The following STON1 variants were observed in gnomAD, a reference collection of about 807,000 sequenced individuals.
STON1 encodes the protein stonin 1, also known as stonin-1.
A neutral mutation model predicts 60.9 loss-of-function variants in STON1; 79 were observed. The ratio of observed to expected loss-of-function variants is 1.30; its 90% CI spans 1.08 to 1.56. The LOEUF (loss-of-function observed/expected upper bound fraction) is 1.56, where lower values mean the gene tolerates loss of function less well. Among genes scored for constraint, STON1 ranks in the 40% most tolerant of loss-of-function variants. STON1 has a pLI of 0.00. For synonymous variants in STON1, 363 were observed against 306.9 expected (o/e 1.18, Z -1.91); for missense variants, 1,166 against 858.9 (o/e 1.36, Z -4.47).
At chr2:48,594,186 G>C (rs978318679) in intron 3 of STON1, among the ~76,000 whole-genome samples, 1 of 152,142 alleles carries the variant, frequency 6.6e-6, no homozygotes, top group African/African-American at 2.4e-5. Context: ...TCTGCACACA[G>C]ATCTCCATCT....
chr2:48,567,914 C>T (rs993288095), intron 1 of STON1, among the ~76,000 whole-genome samples: 1 of 143,474 alleles, frequency 7.0e-6, no homozygotes, highest in African/African-American at 2.5e-5. Flanking sequence ...CAGTGTTGCT[C>T]TTGAGGAGTC....
At chr2:48,584,807 G>T (rs1439300702) in intron 2 of STON1, among the ~76,000 whole-genome samples, 2 of 152,058 alleles carry the variant, frequency 1.3e-5, no homozygotes, top group Non-Finnish European at 2.9e-5. Flanking sequence ...TGACTTGAGG[G>T]GCAGCACTGC....
rs959830973 is a variant in STON1 at position 48,596,627 on chromosome 2, T to G, written c.*1325T>G. On this transcript the variant is annotated 3_prime_UTR_variant, in exon 4 of 4. Coordinates refer to ENST00000404752, the MANE Select transcript of STON1 (RefSeq NM_006873.4). ...TTGAGTCAAAACTGATTTAGTGTTC[T>G]TCCAAACAACATTTATGTGTTGGCC... The G allele has an allele frequency of 7.9e-5, 12 of 152,350 alleles. No homozygotes were observed. In the East Asian group the frequency reaches 1.7e-3, roughly 22 times the overall value. 9.4% of individuals were successfully genotyped at this position (152,350 alleles called of 1,614,324 possible).
At chr2:48,555,221 C>T (rs1480905012) in intron 1 of STON1, among the ~76,000 whole-genome samples, 1 of 109,314 alleles carries the variant, frequency 9.1e-6, no homozygotes, top group Non-Finnish European at 1.9e-5. Context: ...CATCCTGGCC[C>T]GTTCTCAATG....
intron 1 of STON1, among the ~76,000 whole-genome samples, chr2:48,533,657 C>A (rs1202670561): frequency 2.6e-5 from 3 of 114,506 alleles, no homozygotes; most frequent in African/African-American, 9.7e-5. Flanking sequence ...AGCAAAACTC[C>A]GTCTCAAAAA....
rs1319045352 is a variant in STON1 at position 48,582,462 on chromosome 2, A to C, written c.1829A>C (p.Glu610Ala). Residue 610 changes from glutamate (E) to alanine (A), a missense_variant, in exon 2 of 4, where the codon GAA becomes GCA. Coordinates refer to ENST00000404752, the MANE Select transcript of STON1 (RefSeq NM_006873.4). ...RACLGSLQEL[E>A]SEPVIQVTVG... ...TGTCTGGGGAGTTTACAGGAACTTG[A>C]ATCTGAACCTGTCATTCAAGTCACT... 4 of 1,614,236 alleles carry C rather than the reference A, an allele frequency of 2.5e-6. No individual in the cohort carries two copies. Among genetic ancestry groups the C allele is most frequent in the African/African-American group, 1.3e-5 (1 of 75,054 alleles).
At chr2:48,530,316 G>T in intron 1 of STON1, 100 bp downstream of exon 1, 1 of 326,408 alleles carries the variant, frequency 3.1e-6, no homozygotes, top group Non-Finnish European at 5.9e-6. Context: ...CGGGCGCCCC[G>T]GGACGCGGGC....
intron 1 of STON1, among the ~76,000 whole-genome samples, chr2:48,549,371 G>T (rs534653576): frequency 6.6e-5 from 10 of 152,260 alleles, no homozygotes; most frequent in Admixed American, 4.6e-4. Flanking sequence ...GCCTGGGGTG[G>T]GTAGAGGAGG....
At chr2:48,558,430 A>C (rs1672473584) in intron 1 of STON1, among the ~76,000 whole-genome samples, 1 of 152,214 alleles carries the variant, frequency 6.6e-6, no homozygotes. Flanking sequence ...ATGGTCAGCA[A>C]CAGCCTAGGA....
rs1672426909 is a variant in STON1, at chr2:48,557,454, G to C, written c.-47-23133G>C. Among the ~76,000 whole-genome samples, 2 of 106,618 alleles carry C rather than the reference G, an allele frequency of 1.9e-5. 1 individual carries two copies. Among genetic ancestry groups the C allele is most frequent in the African/African-American group, 6.6e-5 (2 of 30,202 alleles). 69.9% of individuals were successfully genotyped at this position (106,618 alleles called of 152,430 possible). Reference sequence around the variant, plus strand: ...GAGACGCTCCTCACTTTCCAGACTGGGCAGCCAGGCAGAGGGGCTCCTCAC... The same window carrying C: ...GAGACGCTCCTCACTTTCCAGACTGCGCAGCCAGGCAGAGGGGCTCCTCAC... On this transcript the variant is annotated intron_variant, in intron 1 of 3. Coordinates refer to ENST00000404752, the MANE Select transcript of STON1 (RefSeq NM_006873.4).
In STON1 at chr2:48,564,599, C is replaced by CCTCCTCCTCCTCCTT. The variant is rs1558606099; in HGVS notation, c.-47-15983_-47-15982insCCTCCTCCTTCTCCT. On this transcript the variant is annotated intron_variant, in intron 1 of 3. Transcript: ENST00000404752. ...TCCTTCTCCTCCTCCTCCTCCTCCT[C>CCTCCTCCTCCTCCTT]CTCCTTCTCCTTCTCCTTCTCCTTC... Among the ~76,000 whole-genome samples, 23 of 43,880 alleles carry CCTCCTCCTCCTCCTT rather than the reference C, an allele frequency of 5.2e-4. 4 individuals are homozygous for CCTCCTCCTCCTCCTT. The highest frequency in any genetic ancestry group is 1.7e-3 in the African/African-American group (22 of 12,736). 28.8% of individuals were successfully genotyped at this position (43,880 alleles called of 152,430 possible).
Position 48,581,740 on chromosome 2 carries a change from A to G in STON1, c.1107A>G (p.Glu369=). 5 of 1,612,216 alleles carry G rather than the reference A, an allele frequency of 3.1e-6. No individual in the cohort carries two copies. The highest frequency in any genetic ancestry group is 4.2e-6 in the Non-Finnish European group (5 of 1,179,614). ...ATTCTAAGACAGAAGTAGTTCATGA[A>G]CCTGACATAGAGCAGATGCTGAAGT... ...KYHSKTEVVH[E]PDIEQMLKLG... The change falls in exon 2 of 4, where the codon GAA becomes GAG. Residue 369 remains glutamate, a synonymous_variant. Transcript: ENST00000404752.
chr2:48,544,523 T>C (rs1245221185), intron 1 of STON1, among the ~76,000 whole-genome samples: 1 of 152,090 alleles, frequency 6.6e-6, no homozygotes, highest in African/African-American at 2.4e-5. Context: ...GCCATAAGTT[T>C]TTTTGGTTTG....
At chr2:48,532,150 C>T (rs1193950499) in intron 1 of STON1, among the ~76,000 whole-genome samples, 1 of 151,948 alleles carries the variant, frequency 6.6e-6, no homozygotes, top group East Asian at 1.9e-4. Flanking sequence ...GAGTTCGAGA[C>T]CAGCCTGGCC....
intron 1 of STON1, chr2:48,531,338 G>A (rs1671204117): frequency 1.3e-5 from 2 of 152,252 alleles, no homozygotes; most frequent in Non-Finnish European, 2.9e-5. Context: ...ACAAGGCAAT[G>A]GGAGAGGCTC....
At chr2:48,551,085 G>A (rs1312777164) in intron 1 of STON1, among the ~76,000 whole-genome samples, 2 of 151,748 alleles carry the variant, frequency 1.3e-5, no homozygotes, top group Non-Finnish European at 2.9e-5. Context: ...ACATTTGCAG[G>A]TTTGTTACCT....
intron 1 of STON1, among the ~76,000 whole-genome samples, chr2:48,572,038 C>T (rs1673236335): frequency 6.6e-6 from 1 of 152,140 alleles, no homozygotes; most frequent in South Asian, 2.1e-4. Flanking sequence ...TGGTGGGCGC[C>T]TGTAATCCCA....
At chr2:48,553,549 A>G (rs1023534361) in intron 1 of STON1, among the ~76,000 whole-genome samples, 1 of 151,236 alleles carries the variant, frequency 6.6e-6, no homozygotes, top group East Asian at 2.0e-4. Context: ...GTGCAATGGC[A>G]TGGTCTCGGC....
At chr2:48,534,394 G>A (rs1164355784) in intron 1 of STON1, among the ~76,000 whole-genome samples, 1 of 152,174 alleles carries the variant, frequency 6.6e-6, no homozygotes, top group African/African-American at 2.4e-5. Flanking sequence ...CTGGAATCAA[G>A]TGTTGAATTC....
Sources: allele counts gnomAD v4.1 joint callset (sites outside exome capture counted in the v4.1 genomes callset), GRCh38; gene constraint gnomAD v4.1.1; transcripts MANE v1.5; gene names NCBI Gene and HGNC (gene_info 2026-07-23, HGNC 2026-07-21).